Variants in SAMD5 observed in about 807,000 individuals in gnomAD.
The protein encoded by SAMD5 is sterile alpha motif domain containing 5.
In SAMD5, 13 loss-of-function variants were observed where a neutral mutation model predicts 11.3. That is an observed-to-expected ratio of 1.15 (90% CI 0.75 to 1.83). The LOEUF (loss-of-function observed/expected upper bound fraction) is 1.83. SAMD5 is among the 40% of genes most tolerant of loss of function. The pLI, the probability that SAMD5 is intolerant of heterozygous loss-of-function variation, is 0.00. For missense variants in SAMD5, 255 were observed against 239.1 expected (o/e 1.07, Z -0.44); for synonymous variants, 129 against 111.3 (o/e 1.16, Z -1.00).
At chr6:147,941,712 C>A in the SAMD5 span, among the ~76,000 whole-genome samples, 1 of 152,216 alleles carries the variant, frequency 6.6e-6, no homozygotes, top group Admixed American at 6.5e-5. Flanking sequence ...TACAGAGCAA[C>A]TCAATGAGAA....
chr6:147,725,523 G>T (rs1347325334), intron 1 of SAMD5, among the ~76,000 whole-genome samples: 1 of 151,922 alleles, frequency 6.6e-6, no homozygotes. Context: ...CAAGTAGCTG[G>T]GATTACAGGT....
At chr6:147,929,776 G>C in the SAMD5 span, among the ~76,000 whole-genome samples, 15,425 of 152,068 alleles carry the variant, frequency 0.1, 1,066 homozygotes, top group South Asian at 0.29. Flanking sequence ...GGTAACATTG[G>C]GGGGGAAAGT....
At chr6:147,884,116 T>G in the SAMD5 span, among the ~76,000 whole-genome samples, 2 of 152,318 alleles carry the variant, frequency 1.3e-5, no homozygotes, top group East Asian at 3.9e-4. Context: ...TTGGCCATCT[T>G]GGGAAATACA....
intron 1 of SAMD5, among the ~76,000 whole-genome samples, chr6:147,731,499 C>T (rs1791712667): frequency 6.6e-6 from 1 of 152,068 alleles, no homozygotes; most frequent in Non-Finnish European, 1.5e-5. Flanking sequence ...AATGCACAGC[C>T]ATGAACTTTG....
At chr6:147,654,433 G>A (rs904342692) in intron 1 of SAMD5, among the ~76,000 whole-genome samples, 2 of 152,144 alleles carry the variant, frequency 1.3e-5, no homozygotes, top group Non-Finnish European at 2.9e-5. Flanking sequence ...TGGAAGTGAA[G>A]AAGAGAATGA....
At chr6:147,838,539 C>CCA in the SAMD5 span, among the ~76,000 whole-genome samples, 8 of 145,436 alleles carry the variant, frequency 5.5e-5, no homozygotes, top group African/African-American at 2.0e-4. Flanking sequence ...CTGCCCCCCC[C>CCA]CCGTAGTTAT....
chr6:147,562,586 G>A (rs1254737382), intron 1 of SAMD5, among the ~76,000 whole-genome samples: 4 of 152,210 alleles, frequency 2.6e-5, no homozygotes, highest in Non-Finnish European at 2.9e-5. Flanking sequence ...ACTTTGGGAG[G>A]CTGAGGCGGG....
chr6:147,793,211 T>TTA, the SAMD5 span, among the ~76,000 whole-genome samples: 1 of 152,134 alleles, frequency 6.6e-6, no homozygotes, highest in Non-Finnish European at 1.5e-5. Context: ...AAAATGAGCT[T>TTA]TACTTCTATG....
intron 1 of SAMD5, among the ~76,000 whole-genome samples, chr6:147,703,360 C>T (rs942473330): frequency 2.0e-5 from 3 of 152,186 alleles, no homozygotes; most frequent in Admixed American, 6.5e-5. Flanking sequence ...GCGTGAGCCA[C>T]CATGCCCGGC....
intron 1 of SAMD5, among the ~76,000 whole-genome samples, chr6:147,674,208 G>A (rs1790832980): frequency 6.6e-6 from 1 of 152,130 alleles, no homozygotes; most frequent in East Asian, 1.9e-4. Flanking sequence ...GAGTTTGGTT[G>A]GAAAAACAAG....
chr6:147,511,582 AGAAG>A (rs1788090894), intron 1 of SAMD5, among the ~76,000 whole-genome samples: 1 of 152,092 alleles, frequency 6.6e-6, no homozygotes, highest in Non-Finnish European at 1.5e-5. Context: ...AAATAGAAAC[AGAAG>A]TGTTTTCATT....
intron 1 of SAMD5, among the ~76,000 whole-genome samples, chr6:147,529,197 G>A (rs1371993790): frequency 6.6e-6 from 1 of 152,158 alleles, no homozygotes; most frequent in Non-Finnish European, 1.5e-5. Context: ...AGGCATGTTA[G>A]CAATAAAACT....
chr6:147,590,964 G>C (rs1378334238), intron 1 of SAMD5, among the ~76,000 whole-genome samples: 1 of 152,078 alleles, frequency 6.6e-6, no homozygotes, highest in Non-Finnish European at 1.5e-5. Flanking sequence ...TGTATTCAAG[G>C]TTAAAATGAA....
At chr6:147,829,758 G>A in the SAMD5 span, among the ~76,000 whole-genome samples, 1 of 152,100 alleles carries the variant, frequency 6.6e-6, no homozygotes, top group Non-Finnish European at 1.5e-5. Flanking sequence ...AGCCATGTGA[G>A]TTAATACTCA....
chr6:147,866,978 T>C, the SAMD5 span, among the ~76,000 whole-genome samples: 4 of 152,178 alleles, frequency 2.6e-5, no homozygotes, highest in Admixed American at 1.3e-4. Context: ...AGAAAGTCTG[T>C]ATGAGAAGGA....
chr6:147,549,122 T>A (rs1788729064), intron 1 of SAMD5, among the ~76,000 whole-genome samples: 1 of 152,190 alleles, frequency 6.6e-6, no homozygotes, highest in South Asian at 2.1e-4. Flanking sequence ...AAAACTTCAT[T>A]GTTGAAAGCC....
At chr6:147,903,835 G>C in the SAMD5 span, among the ~76,000 whole-genome samples, 2 of 151,838 alleles carry the variant, frequency 1.3e-5, no homozygotes, top group African/African-American at 2.4e-5. Flanking sequence ...TTGAACCCAG[G>C]AGGTGGAGGT....
chr6:147,877,295 C>T, the SAMD5 span, among the ~76,000 whole-genome samples: 2 of 151,812 alleles, frequency 1.3e-5, no homozygotes, highest in Non-Finnish European at 2.9e-5. Context: ...GAACTGAAGC[C>T]AAAATGAAAT....
the SAMD5 span, among the ~76,000 whole-genome samples, chr6:147,882,496 C>T: frequency 6.6e-6 from 1 of 152,306 alleles, no homozygotes; most frequent in East Asian, 1.9e-4. Context: ...AGAATGATCA[C>T]TTGAGCCCAG....
Sources: gnomAD v4.1 joint callset for allele counts (sites outside exome capture counted in the v4.1 genomes callset) on GRCh38, gnomAD v4.1.1 for gene constraint, MANE v1.5 for transcripts, NCBI Gene and HGNC (gene_info 2026-07-23, HGNC 2026-07-21) for gene names.